Variants in KIAA0825 observed in about 807,000 individuals in gnomAD.
The protein encoded by KIAA0825 is KIAA0825, also known as uncharacterized protein KIAA0825.
KIAA0825 carries 119 observed loss-of-function variants against 147.6 expected under a neutral mutation model. That is an observed-to-expected ratio of 0.81 (90% CI 0.69 to 0.94). The LOEUF (loss-of-function observed/expected upper bound fraction) is 0.94, where lower values mean the gene tolerates loss of function less well. Ranked by LOEUF, KIAA0825 falls within the 40% of genes least tolerant of loss-of-function variation. KIAA0825 has a pLI of 0.00. For missense variants in KIAA0825, 1,381 were observed against 1,472.7 expected, an observed-to-expected ratio of 0.94 and a Z score of 1.02; for synonymous variants, 470 against 518.1, an observed-to-expected ratio of 0.91 and a Z score of 1.26.
At chr5:94,477,532 T>C (rs1368535518) in intron 6 of KIAA0825, among the ~76,000 whole-genome samples, 1 of 152,128 alleles carries the variant, frequency 6.6e-6, no homozygotes, top group Non-Finnish European at 1.5e-5. Context: ...CATTAGTTTA[T>C]TTTCAGGTTG....
At chr5:94,466,787 A>T (rs181038732) in intron 10 of KIAA0825, among the ~76,000 whole-genome samples, 7 of 149,096 alleles carry the variant, frequency 4.7e-5, no homozygotes, top group African/African-American at 2.4e-5. Context: ...AAAATTAATG[A>T]TGAAGCAGCA....
chr5:94,574,022 T>C (rs1474085805), intron 2 of KIAA0825, among the ~76,000 whole-genome samples: 2 of 152,092 alleles, frequency 1.3e-5, no homozygotes, highest in Non-Finnish European at 1.5e-5. Context: ...AACTGAGTGA[T>C]ACAAGTATCA....
intron 13 of KIAA0825, among the ~76,000 whole-genome samples, chr5:94,442,075 A>G (rs1425067832): frequency 6.6e-6 from 1 of 152,202 alleles, no homozygotes; most frequent in African/African-American, 2.4e-5. Flanking sequence ...CTAAATGTTA[A>G]CTGATTGATT....
At chr5:94,243,076 C>T (rs181970039) in intron 20 of KIAA0825, among the ~76,000 whole-genome samples, 15 of 152,270 alleles carry the variant, frequency 9.9e-5, no homozygotes, top group East Asian at 7.7e-4. Flanking sequence ...ATAGAAACAA[C>T]GGAAGCCTCA....
intron 3 of KIAA0825, among the ~76,000 whole-genome samples, chr5:94,528,843 G>T (rs1769921434): frequency 1.3e-5 from 2 of 150,928 alleles, no homozygotes; most frequent in South Asian, 2.1e-4. Context: ...ACAATTTAAT[G>T]AAGTCAGAAT....
intron 2 of KIAA0825, among the ~76,000 whole-genome samples, chr5:94,577,284 G>C (rs183061826): frequency 6.6e-6 from 1 of 152,118 alleles, no homozygotes; most frequent in Admixed American, 6.6e-5. Context: ...GAATGGTTGC[G>C]AGCTACTAAC....
chr5:94,550,185 A>T (rs1465005441), intron 2 of KIAA0825, among the ~76,000 whole-genome samples: 2 of 152,188 alleles, frequency 1.3e-5, no homozygotes, highest in Non-Finnish European at 2.9e-5. Context: ...TTACCTGTGG[A>T]AGCTAAAAAT....
At chr5:94,222,641 A>G (rs1355280845) in intron 20 of KIAA0825, among the ~76,000 whole-genome samples, 2 of 152,222 alleles carry the variant, frequency 1.3e-5, no homozygotes, top group African/African-American at 4.8e-5. Context: ...TCAGAATGTC[A>G]CTATATATTT....
chr5:94,485,575 A>C (rs1052103454), intron 5 of KIAA0825, among the ~76,000 whole-genome samples: 3 of 151,830 alleles, frequency 2.0e-5, no homozygotes, highest in South Asian at 2.1e-4. Context: ...ACTGAAATAC[A>C]TAAGAGTGTC....
At chr5:94,251,893 AT>A (rs1775982013) in intron 20 of KIAA0825, among the ~76,000 whole-genome samples, 1 of 152,074 alleles carries the variant, frequency 6.6e-6, no homozygotes, top group Non-Finnish European at 1.5e-5. Context: ...ATGTTATTGC[AT>A]TTGGGTACCA....
intron 5 of KIAA0825, among the ~76,000 whole-genome samples, chr5:94,485,715 A>T (rs761348383): frequency 2.6e-5 from 4 of 151,854 alleles, no homozygotes; most frequent in Non-Finnish European, 4.4e-5. Context: ...TATTTGTATT[A>T]TCCTGGCAAC....
intron 20 of KIAA0825, among the ~76,000 whole-genome samples, chr5:94,291,046 T>C (rs1181818326): frequency 6.6e-6 from 1 of 152,200 alleles, no homozygotes; most frequent in Non-Finnish European, 1.5e-5. Flanking sequence ...CTTTGTCAGA[T>C]GGATAGATTG....
rs1340737438 is a variant in KIAA0825, at chr5:94,473,454, G to C, written c.1293C>G (p.Cys431Trp). The part of the protein sequence containing the change: ...FKEVSLPMAH[C>W]VVTAIEGFST... The stretch of plus-strand genomic sequence containing the variant: ...AAAAACCTTCAATTGCAGTTACTAC[G>C]CAGTGCGCCATGGGAAGAGACACTT... Residue 431 changes from cysteine (C) to tryptophan (W), a missense_variant, in exon 8 of 21, where the codon TGC becomes TGG. Coordinates refer to ENST00000682413, the MANE Select transcript of KIAA0825 (RefSeq NM_001145678.3). The C allele has an allele frequency of 3.9e-6, 6 of 1,551,674 alleles. No homozygotes were observed. In the Admixed American group the frequency reaches 1.2e-4, roughly 30 times the overall value.
chr5:94,217,094 T>G (rs574395946), intron 20 of KIAA0825, among the ~76,000 whole-genome samples: 3 of 152,306 alleles, frequency 2.0e-5, no homozygotes, highest in African/African-American at 7.2e-5. Context: ...TCTTTTACTA[T>G]GTATACATGT....
chr5:94,481,018 CTA>C (rs1197033755), intron 6 of KIAA0825, among the ~76,000 whole-genome samples: 1 of 152,050 alleles, frequency 6.6e-6, no homozygotes, highest in African/African-American at 2.4e-5. Flanking sequence ...ATGTAAAACT[CTA>C]TGAACTCTAA....
intron 20 of KIAA0825, among the ~76,000 whole-genome samples, chr5:94,308,166 G>A (rs1053637950): frequency 2.0e-5 from 3 of 151,784 alleles, no homozygotes; most frequent in Non-Finnish European, 2.9e-5. Flanking sequence ...AAAATGAAAT[G>A]AAATTCTACA....
chr5:94,295,263 A>C (rs1216557987), intron 20 of KIAA0825, among the ~76,000 whole-genome samples: 1 of 151,156 alleles, frequency 6.6e-6, no homozygotes, highest in Non-Finnish European at 1.5e-5. Context: ...GTGTTTTTCA[A>C]CTCCATCAGG....
intron 17 of KIAA0825, among the ~76,000 whole-genome samples, chr5:94,394,615 A>G (rs1196096487): frequency 6.6e-6 from 1 of 152,198 alleles, no homozygotes; most frequent in Non-Finnish European, 1.5e-5. Context: ...AATGGACCTT[A>G]TTTGATATAG....
chr5:94,361,313 C>A (rs1157969408), intron 20 of KIAA0825, among the ~76,000 whole-genome samples: 1 of 152,192 alleles, frequency 6.6e-6, no homozygotes, highest in African/African-American at 2.4e-5. Context: ...TAGATGCCAT[C>A]TCTCATGATA....
Sources: allele counts gnomAD v4.1 joint callset (sites outside exome capture counted in the v4.1 genomes callset), GRCh38; gene constraint gnomAD v4.1.1; transcripts MANE v1.5; gene names NCBI Gene and HGNC (gene_info 2026-07-23, HGNC 2026-07-21).